EEFSEC: variants seen among roughly 807,000 people sequenced by gnomAD.
The protein encoded by EEFSEC is eukaryotic elongation factor, selenocysteine-tRNA specific, also known as selenocysteine-specific elongation factor.
A neutral mutation model predicts 42.1 loss-of-function variants in EEFSEC; 43 were observed. The observed-to-expected ratio is 1.02, with a 90% CI of 0.80 to 1.32. The LOEUF (loss-of-function observed/expected upper bound fraction) is 1.32. EEFSEC is among the 40% of genes most tolerant of loss of function. EEFSEC has a pLI of 0.00. For missense variants in EEFSEC, 745 were observed against 803.6 expected, an observed-to-expected ratio of 0.93 and a Z score of 0.88; for synonymous variants, 354 against 339.1, an observed-to-expected ratio of 1.04 and a Z score of -0.48.
chr3:128,204,278 A>G (rs755656295), intron 1 of EEFSEC, among the ~76,000 whole-genome samples: 3 of 152,220 alleles, frequency 2.0e-5, no homozygotes, highest in Non-Finnish European at 4.4e-5. Flanking sequence ...ATAATATTGT[A>G]TGTACTTATG....
intron 4 of EEFSEC, among the ~76,000 whole-genome samples, chr3:128,281,893 AGTTAGTG>A (rs1260119895): frequency 6.6e-6 from 1 of 152,038 alleles, no homozygotes; most frequent in East Asian, 1.9e-4. Flanking sequence ...CGTTCCCCTG[AGTTAGTG>A]GTGGTCGTGG....
chr3:128,171,457 T>C (rs1338878303), intron 1 of EEFSEC, among the ~76,000 whole-genome samples: 1 of 152,176 alleles, frequency 6.6e-6, no homozygotes, highest in Non-Finnish European at 1.5e-5. Flanking sequence ...AAAAACCAGA[T>C]GGGAAGATTT....
intron 1 of EEFSEC, among the ~76,000 whole-genome samples, chr3:128,161,076 C>T (rs1440806183): frequency 1.3e-5 from 2 of 152,120 alleles, no homozygotes; most frequent in Non-Finnish European, 2.9e-5. Flanking sequence ...TAGTAAGTGT[C>T]AGAACTAGGT....
rs190520146 is a variant in EEFSEC at position 128,377,931 on chromosome 3, G to A, written c.1600+19558G>A. ...CCTACATGGCAAATGACATCTCAGT[G>A]TCTTTAATTTGCATTTCTTTGATAA... is the stretch of plus-strand genomic sequence containing the variant. On this transcript the variant is annotated intron_variant, in intron 6 of 6. Coordinates refer to ENST00000254730, the MANE Select transcript of EEFSEC (RefSeq NM_021937.5). Among the ~76,000 whole-genome samples, 111 of 152,326 alleles carry A rather than the reference G, an allele frequency of 7.3e-4. 1 individual carries two copies. Among genetic ancestry groups the A allele is most frequent in the Non-Finnish European group, 1.1e-3 (77 of 68,026 alleles).
intron 6 of EEFSEC, among the ~76,000 whole-genome samples, chr3:128,401,860 G>T (rs1431339871): frequency 6.6e-6 from 1 of 152,164 alleles, no homozygotes; most frequent in African/African-American, 2.4e-5. Flanking sequence ...TGAACTTCCA[G>T]CAGCCATGGA....
chr3:128,217,264 G>A (rs894444097), intron 1 of EEFSEC, among the ~76,000 whole-genome samples: 1 of 152,124 alleles, frequency 6.6e-6, no homozygotes, highest in African/African-American at 2.4e-5. Context: ...TGGGACAGAG[G>A]TAAGGTCTGT....
At chr3:128,309,303 A>G (rs1013796913) in intron 4 of EEFSEC, among the ~76,000 whole-genome samples, 2 of 152,160 alleles carry the variant, frequency 1.3e-5, no homozygotes, top group East Asian at 1.9e-4. Flanking sequence ...AGGGGAGGCG[A>G]TAGCTGAGAG....
chr3:128,235,944 T>TTGTC (rs2066005351), intron 1 of EEFSEC, among the ~76,000 whole-genome samples: 1 of 100,580 alleles, frequency 9.9e-6, no homozygotes, highest in Non-Finnish European at 2.1e-5. Flanking sequence ...GGGCAAAGGT[T>TTGTC]TGTTTGTTTG....
intron 2 of EEFSEC, among the ~76,000 whole-genome samples, chr3:128,257,843 C>G (rs374730212): frequency 1.3e-5 from 2 of 152,182 alleles, no homozygotes; most frequent in South Asian, 2.1e-4. Context: ...TGTCCCCCCC[C>G]AGCATGGAGG....
At chr3:128,369,883 C>CCTCA (rs1452511597) in intron 6 of EEFSEC, among the ~76,000 whole-genome samples, 1 of 152,178 alleles carries the variant, frequency 6.6e-6, no homozygotes, top group East Asian at 1.9e-4. Flanking sequence ...GTGCCTGCAC[C>CCTCA]CTCAGCACAT....
At chr3:128,326,370 T>C (rs2067063678) in intron 4 of EEFSEC, among the ~76,000 whole-genome samples, 1 of 152,226 alleles carries the variant, frequency 6.6e-6, no homozygotes, top group African/African-American at 2.4e-5. Flanking sequence ...TCCCACCATC[T>C]CTTTTGCCCA....
At chr3:128,404,934 A>C (rs2068091746) in intron 6 of EEFSEC, among the ~76,000 whole-genome samples, 1 of 151,850 alleles carries the variant, frequency 6.6e-6, no homozygotes, top group African/African-American at 2.4e-5. Context: ...CGCCTGCCAG[A>C]GGGAGACCGG....
At chr3:128,171,978 G>C (rs1576516383) in intron 1 of EEFSEC, among the ~76,000 whole-genome samples, 1 of 152,084 alleles carries the variant, frequency 6.6e-6, no homozygotes, top group East Asian at 1.9e-4. Flanking sequence ...TTAAATATAT[G>C]GGAGGATATG....
rs185676596 is a variant in EEFSEC, at chr3:128,239,532, C to T, written c.317-7304C>T. 4.2e-3 allele frequency among the ~76,000 whole-genome samples: 638 copies of T among 152,302 alleles called. 4 individuals are homozygous for T. The highest frequency in any genetic ancestry group is 0.01 in the Middle Eastern group (3 of 294). ...AGAGCGAGATGCTTACCCTCTGCCC[C>T]CGCCTGCCTCAGAACTTGAGGTGGG... On this transcript the variant is annotated intron_variant, in intron 1 of 6. Coordinates refer to ENST00000254730, the MANE Select transcript of EEFSEC (RefSeq NM_021937.5).
chr3:128,355,839 G>A (rs1269505757), intron 5 of EEFSEC, among the ~76,000 whole-genome samples: 1 of 152,254 alleles, frequency 6.6e-6, no homozygotes, highest in Non-Finnish European at 1.5e-5. Context: ...AAGGCATAAC[G>A]TCAGGTGGCA....
At chr3:128,395,491 C>G (rs1251763684) in intron 6 of EEFSEC, among the ~76,000 whole-genome samples, 1 of 152,210 alleles carries the variant, frequency 6.6e-6, no homozygotes, top group Non-Finnish European at 1.5e-5. Flanking sequence ...CAGGGCTTTT[C>G]ACTGCTGTCA....
intron 5 of EEFSEC, among the ~76,000 whole-genome samples, chr3:128,356,449 C>G (rs2067455305): frequency 6.6e-6 from 1 of 152,082 alleles, no homozygotes; most frequent in East Asian, 1.9e-4. Context: ...TGGGTGGGGA[C>G]AGAGGGCTGC....
chr3:128,363,604 C>T (rs565147072), intron 6 of EEFSEC, among the ~76,000 whole-genome samples: 1 of 152,308 alleles, frequency 6.6e-6, no homozygotes, highest in East Asian at 1.9e-4. Context: ...TGAAGAGGGT[C>T]CTGAGGAGGG....
intron 1 of EEFSEC, among the ~76,000 whole-genome samples, chr3:128,200,672 C>T (rs1276030146): frequency 5.9e-5 from 9 of 152,196 alleles, no homozygotes; most frequent in South Asian, 2.1e-4. Flanking sequence ...CTAGCTGAAA[C>T]GATGGGGAGA....
Sources: gnomAD v4.1 joint callset for allele counts (sites outside exome capture counted in the v4.1 genomes callset) on GRCh38, gnomAD v4.1.1 for gene constraint, MANE v1.5 for transcripts, NCBI Gene and HGNC (gene_info 2026-07-23, HGNC 2026-07-21) for gene names.